The following RNMT variants were observed in gnomAD, a reference collection of about 807,000 sequenced individuals.
RNMT encodes the protein RNA guanine-7 methyltransferase.
RNMT carries 27 observed loss-of-function variants against 56.0 expected under a neutral mutation model. The observed-to-expected ratio is 0.48, with a 90% CI of 0.36 to 0.67. The LOEUF is 0.67. Ranked by LOEUF, RNMT falls within the 30% of genes least tolerant of loss-of-function variation. The probability of loss-of-function intolerance (pLI) is 0.00; values close to 1 mark genes in which losing one functional copy is unlikely to be tolerated. For synonymous variants in RNMT, 184 were observed against 176.2 expected (o/e 1.04, Z -0.35); for missense variants, 519 against 552.1 (o/e 0.94, Z 0.60).
At chr18:13,754,779 C>G (rs2044515204) in intron 11 of RNMT, among the ~76,000 whole-genome samples, 1 of 152,198 alleles carries the variant, frequency 6.6e-6, no homozygotes, top group African/African-American at 2.4e-5. Flanking sequence ...TTATAGAATA[C>G]TTGCATGTCT....
rs796255175 is a variant in RNMT at position 13,732,864 on chromosome 18, C to T, written c.417+930C>T. 6.5e-4 allele frequency among the ~76,000 whole-genome samples: 97 copies of T among 149,906 alleles called. 1 individual carries two copies. Among genetic ancestry groups the T allele is most frequent in the African/African-American group, 2.3e-3 (92 of 40,764 alleles). ...GGGACCTCCACCTCCCGGGTTCAAG[C>T]GATTCTCCTGCCTCAGCCTCCCGAG... is the stretch of plus-strand genomic sequence containing the variant. On this transcript the variant is annotated intron_variant, in intron 3 of 11. Transcript: ENST00000383314.
chr18:13,753,993 C>T (rs2044500705), intron 10 of RNMT, 121 bp from the exon 11 acceptor site: 2 of 596,782 alleles, frequency 3.4e-6, no homozygotes, highest in Non-Finnish European at 5.9e-6. Context: ...AACAGTGAAT[C>T]GAATGTGTAT....
chr18:13,741,135 A>C (rs1042866198), intron 6 of RNMT, among the ~76,000 whole-genome samples: 3 of 152,248 alleles, frequency 2.0e-5, no homozygotes, highest in African/African-American at 7.2e-5. Context: ...AGAAAGTTGT[A>C]ATACCTTTAA....
chr18:13,762,299 T>A lies in RNMT; in HGVS notation c.*2320T>A. 9.8e-7 allele frequency: 1 copy of A among 1,024,736 alleles called. No homozygotes were observed. Among genetic ancestry groups the A allele is most frequent in the Non-Finnish European group, 1.4e-6 (1 of 724,660 alleles). The allele number at this position is 1,024,736 out of a possible 1,614,324, so 63.5% of individuals were successfully genotyped here. Reference sequence around the variant, plus strand: ...TGTTGAATTCTTTGGGCCTAGAATATACTTGAGAAAGCACTAGTGGCTTGT... The same window carrying A: ...TGTTGAATTCTTTGGGCCTAGAATAAACTTGAGAAAGCACTAGTGGCTTGT... On this transcript the variant is annotated 3_prime_UTR_variant, in exon 12 of 12. Coordinates refer to ENST00000383314, the MANE Select transcript of RNMT (RefSeq NM_003799.3).
At chr18:13,739,227 TGTTA>T (rs2044214138) in intron 5 of RNMT, among the ~76,000 whole-genome samples, 1 of 152,222 alleles carries the variant, frequency 6.6e-6, no homozygotes, top group South Asian at 2.1e-4. Context: ...CATCATACTT[TGTTA>T]GGTAGCAGAA....
chr18:13,763,403 G>T lies in RNMT; in HGVS notation c.*3424G>T. On this transcript the variant is annotated 3_prime_UTR_variant, in exon 12 of 12. Coordinates refer to ENST00000383314, the MANE Select transcript of RNMT (RefSeq NM_003799.3). ...AAAGTCACCCCACTCCTTAGTGCCTGCACCTCACCACGATATTGAGGAAGC... is the reference window on the plus strand; with the variant it reads ...AAAGTCACCCCACTCCTTAGTGCCTTCACCTCACCACGATATTGAGGAAGC... The T allele has an allele frequency of 3.8e-6, 1 of 262,766 alleles. No homozygotes were observed. Among genetic ancestry groups the T allele is most frequent in the South Asian group, 4.4e-5 (1 of 22,636 alleles). The allele number at this position is 262,766 out of a possible 1,614,324, so 16.3% of individuals were successfully genotyped here. A position where few individuals can be genotyped will look rare whatever the true frequency, so the allele number is the denominator to read the frequency against.
At position 13,759,922 on chromosome 18, in the gene RNMT, CTT is replaced by C. The variant is rs748249620; in HGVS notation, c.1394-19_1394-18del. On this transcript the variant is annotated intron_variant, in intron 11 of 11. Coordinates refer to ENST00000383314, the MANE Select transcript of RNMT (RefSeq NM_003799.3). ...TTGTAATCATATGAGAAACTGAACT[CTT>C]ATTTATTTCTTCTTTAGGTATTTAC... 1.3e-6 allele frequency: 2 copies of C among 1,590,086 alleles called. No individual in the cohort carries two copies.
intron 11 of RNMT, among the ~76,000 whole-genome samples, chr18:13,758,446 A>G (rs988416410): frequency 6.6e-6 from 1 of 152,232 alleles, no homozygotes; most frequent in Non-Finnish European, 1.5e-5. Context: ...CACTTGCTGC[A>G]TCATCTTGCA....
At chr18:13,732,350 C>G (rs2044085010) in intron 3 of RNMT, among the ~76,000 whole-genome samples, 3 of 152,092 alleles carry the variant, frequency 2.0e-5, no homozygotes, top group African/African-American at 7.2e-5. Flanking sequence ...AATGATTTAC[C>G]TATTTTTCTT....
intron 5 of RNMT, among the ~76,000 whole-genome samples, chr18:13,739,207 T>C (rs917544066): frequency 6.6e-6 from 1 of 152,220 alleles, no homozygotes; most frequent in Non-Finnish European, 1.5e-5. Context: ...GTACTGTTCT[T>C]GAAGATGACC....
rs564996243 is a variant in RNMT at position 13,739,966 on chromosome 18, TATTGAGACGCTTTTAGTTCCTCTTGAA to T, written c.680-199_680-173del. ...ATAGAACTTTTATAGCGTCCGTACC[TATTGAGACGCTTTTAGTTCCTCTTGAA>T]AACTGATAGGGTATTTGCGTCGGAA... On this transcript the variant is annotated intron_variant, in intron 5 of 11. Coordinates refer to ENST00000383314, the MANE Select transcript of RNMT (RefSeq NM_003799.3). 8.0e-4 allele frequency among the ~76,000 whole-genome samples: 122 copies of T among 152,334 alleles called. 2 individuals are homozygous for T. In the East Asian group the frequency reaches 0.02, roughly 25 times the overall value.
Position 13,731,910 on chromosome 18 carries a change from T to C in RNMT, c.393T>C (p.Leu131=), listed in dbSNP as rs1411745804. ...DGTQNKRKIA[L]EDVPEKQKNL... is the part of the protein sequence containing the mutation. ...CTCAAAATAAGAGAAAAATAGCACT[T>C]GAGGATGTTCCTGAAAAGCAGAAAG... Residue 131 remains leucine, a synonymous_variant, in exon 3 of 12, where the codon CTT becomes CTC. Coordinates refer to ENST00000383314, the MANE Select transcript of RNMT (RefSeq NM_003799.3). The C allele has an allele frequency of 1.9e-6, 3 of 1,595,342 alleles. No individual in the cohort carries two copies. The South Asian group carries it at 3.4e-5, about 18-fold the overall frequency.
At position 13,761,251 on chromosome 18, in the gene RNMT, A is replaced by T; in HGVS notation, c.*1272A>T. The T allele has an allele frequency of 9.1e-6, 9 of 985,454 alleles. No homozygotes were observed. The highest frequency in any genetic ancestry group is 9.6e-6 in the Non-Finnish European group (8 of 829,928). The allele number at this position is 985,454 out of a possible 1,614,324, so 61.0% of individuals were successfully genotyped here. A position where few individuals can be genotyped will look rare whatever the true frequency, so the allele number is the denominator to read the frequency against. On this transcript the variant is annotated 3_prime_UTR_variant, in exon 12 of 12. Coordinates refer to ENST00000383314, the MANE Select transcript of RNMT (RefSeq NM_003799.3). ...CTTCTGCAGCCTGTGAATCTCCACA[A>T]AGTGTTACCAGTTTACAAAAATAAG...
chr18:13,760,719 A>G lies in RNMT; in HGVS notation c.*740A>G. ...CTTTCTTCATTGAACAAATGGTGCC[A>G]TAGTTATTTTTCTCAAAATTTAGTG... On this transcript the variant is annotated 3_prime_UTR_variant, in exon 12 of 12. Transcript: ENST00000383314. 1 of 985,384 alleles carries G rather than the reference A, an allele frequency of 1.0e-6. No individual in the cohort carries two copies. Among genetic ancestry groups the G allele is most frequent in the Non-Finnish European group, 1.2e-6 (1 of 829,860 alleles). 61.0% of individuals were successfully genotyped at this position (985,384 alleles called of 1,614,324 possible). A position where few individuals can be genotyped will look rare whatever the true frequency, so the allele number is the denominator to read the frequency against.
chr18:13,734,787 A>G (rs1184073489), intron 4 of RNMT, among the ~76,000 whole-genome samples, 188 bp downstream of exon 4: 5 of 151,804 alleles, frequency 3.3e-5, no homozygotes, highest in Admixed American at 6.6e-5. Flanking sequence ...AGAAGGCAAT[A>G]TTTTTTTTAA....
At chr18:13,744,877 A>C (rs1301516231) in intron 8 of RNMT, among the ~76,000 whole-genome samples, 1 of 152,174 alleles carries the variant, frequency 6.6e-6, no homozygotes, top group African/African-American at 2.4e-5. Flanking sequence ...CATGATTATA[A>C]ACTTGGCAAA....
intron 9 of RNMT, among the ~76,000 whole-genome samples, chr18:13,749,217 TGAA>T (rs1167676198): frequency 1.3e-5 from 2 of 152,218 alleles, no homozygotes; most frequent in East Asian, 3.8e-4. Flanking sequence ...GAGGATAAGT[TGAA>T]GAACAAGTTT....
intron 5 of RNMT, among the ~76,000 whole-genome samples, chr18:13,738,918 T>C (rs919189904): frequency 6.6e-6 from 1 of 152,180 alleles, no homozygotes; most frequent in African/African-American, 2.4e-5. Flanking sequence ...CTACCTCAGA[T>C]CATCAGGTGT....
intron 4 of RNMT, among the ~76,000 whole-genome samples, chr18:13,735,500 CT>C (rs5823269): frequency 2.3e-4 from 32 of 138,252 alleles, no homozygotes; most frequent in African/African-American, 5.6e-4. Context: ...TGAGTGTTCA[CT>C]TTTTTTTTTT....
Sources: gnomAD v4.1 joint callset for allele counts (sites outside exome capture counted in the v4.1 genomes callset) on GRCh38, gnomAD v4.1.1 for gene constraint, MANE v1.5 for transcripts, NCBI Gene and HGNC (gene_info 2026-07-23, HGNC 2026-07-21) for gene names.